DPYD: variants seen among roughly 807,000 people sequenced by gnomAD.
DPYD encodes the protein dihydropyrimidine dehydrogenase.
In DPYD, 109 loss-of-function variants were observed where a neutral mutation model predicts 116.2. That is an observed-to-expected ratio of 0.94 (90% CI 0.80 to 1.10). DPYD has a LOEUF of 1.10. Ranked by LOEUF, DPYD falls within the 50% of genes least tolerant of loss-of-function variation. The probability of loss-of-function intolerance (pLI) is 0.00; values close to 1 mark genes in which losing one functional copy is unlikely to be tolerated. For missense variants in DPYD, 1,302 were observed against 1,254.5 expected, an observed-to-expected ratio of 1.04 and a Z score of -0.57; for synonymous variants, 440 against 432.0, an observed-to-expected ratio of 1.02 and a Z score of -0.23.
chr1:97,914,704 C>T (rs959909310), intron 1 of DPYD, among the ~76,000 whole-genome samples: 1 of 152,158 alleles, frequency 6.6e-6, no homozygotes, highest in South Asian at 2.1e-4. Context: ...CCAGTGGGCT[C>T]GCAGTACAAC....
At chr1:97,422,562 C>T (rs1674647272) in intron 14 of DPYD, among the ~76,000 whole-genome samples, 1 of 152,040 alleles carries the variant, frequency 6.6e-6, no homozygotes, top group Non-Finnish European at 1.5e-5. Context: ...GTCTCATTTC[C>T]TACCTCCACG....
chr1:97,292,162 A>G (rs1278967174), intron 18 of DPYD, among the ~76,000 whole-genome samples: 1 of 152,140 alleles, frequency 6.6e-6, no homozygotes, highest in African/African-American at 2.4e-5. Flanking sequence ...TGTGTATTTG[A>G]AAAGCTCCTC....
intron 14 of DPYD, among the ~76,000 whole-genome samples, chr1:97,388,097 T>C (rs912588627): frequency 6.6e-6 from 1 of 152,128 alleles, no homozygotes; most frequent in African/African-American, 2.4e-5. Context: ...TCTGAGGTTC[T>C]AGTTGGTGAA....
At chr1:97,706,055 T>C (rs944308910) in intron 5 of DPYD, among the ~76,000 whole-genome samples, 2 of 152,008 alleles carry the variant, frequency 1.3e-5, no homozygotes, top group Non-Finnish European at 2.9e-5. Context: ...ATTTCTCTAA[T>C]TTTTCAATAA....
chr1:97,598,481 G>A (rs994675344), intron 8 of DPYD, among the ~76,000 whole-genome samples: 4 of 152,094 alleles, frequency 2.6e-5, no homozygotes, highest in Non-Finnish European at 4.4e-5. Flanking sequence ...CAAGGAGGCC[G>A]GATAGTTTGT....
intron 5 of DPYD, among the ~76,000 whole-genome samples, chr1:97,704,192 A>G (rs1661768864): frequency 6.6e-6 from 1 of 152,070 alleles, no homozygotes; most frequent in South Asian, 2.1e-4. Flanking sequence ...ACTTCCATGA[A>G]TGTAGCCTGA....
chr1:97,579,522 C>G (rs1330236061), intron 10 of DPYD, among the ~76,000 whole-genome samples: 2 of 152,192 alleles, frequency 1.3e-5, no homozygotes, highest in Non-Finnish European at 2.9e-5. Flanking sequence ...AAAACATGGA[C>G]CAAATTGACC....
intron 3 of DPYD, among the ~76,000 whole-genome samples, chr1:97,796,331 T>C (rs1383273807): frequency 5.3e-5 from 8 of 152,078 alleles, no homozygotes. Flanking sequence ...TCCACTGCTT[T>C]TAATCACATT....
intron 5 of DPYD, among the ~76,000 whole-genome samples, chr1:97,713,055 AT>A (rs368463091): frequency 1.3e-4 from 20 of 151,772 alleles, no homozygotes; most frequent in African/African-American, 4.8e-4. Flanking sequence ...TCACCTCTTA[AT>A]TTTTTTTCTA....
At chr1:97,470,815 T>C (rs992076412) in intron 13 of DPYD, among the ~76,000 whole-genome samples, 2 of 152,152 alleles carry the variant, frequency 1.3e-5, no homozygotes, top group Admixed American at 1.3e-4. Flanking sequence ...TTGGCCAACA[T>C]AGCGAAACCC....
intron 8 of DPYD, among the ~76,000 whole-genome samples, chr1:97,650,121 T>C (rs1477640162): frequency 6.6e-6 from 1 of 152,092 alleles, no homozygotes; most frequent in Admixed American, 6.6e-5. Context: ...TAGGGGATGT[T>C]CCCTTAGAAT....
chr1:97,314,488 T>TTG (rs1225016848), intron 16 of DPYD, among the ~76,000 whole-genome samples: 19 of 114,172 alleles, frequency 1.7e-4, no homozygotes, highest in Admixed American at 7.5e-4. Flanking sequence ...CGCTAAAGCT[T>TTG]TCTTTTTTTT....
At chr1:97,629,059 T>C (rs891215889) in intron 8 of DPYD, among the ~76,000 whole-genome samples, 1 of 151,998 alleles carries the variant, frequency 6.6e-6, no homozygotes, top group Non-Finnish European at 1.5e-5. Context: ...ATCACACAAG[T>C]TGGATGTTTT....
In DPYD at chr1:97,668,706, A is replaced by G. The variant is rs372961405; in HGVS notation, c.850+10389T>C. Among the ~76,000 whole-genome samples the G allele has an allele frequency of 4.7e-4, 72 of 152,180 alleles. 4 individuals carry two copies. The South Asian group carries it at 0.015, about 31-fold the overall frequency. ...AATCTCCAAAGACAAAAGAAGGGCT[A>G]TTTTTTCCTGTAAAATGGAAACTTA... On this transcript the variant is annotated intron_variant, in intron 8 of 22. Transcript: ENST00000370192.
At chr1:97,798,194 T>C (rs555426085) in intron 3 of DPYD, 10 of 152,234 alleles carry the variant, frequency 6.6e-5, no homozygotes, top group Admixed American at 1.3e-4. Flanking sequence ...CTAACCTATA[T>C]GTAGAGTCCT....
At chr1:97,164,867 T>C (rs925155546) in intron 20 of DPYD, among the ~76,000 whole-genome samples, 2 of 144,120 alleles carry the variant, frequency 1.4e-5, no homozygotes, top group Non-Finnish European at 3.0e-5. Context: ...ACGTACAGAT[T>C]CTTTTTTTTT....
chr1:97,536,103 T>A (rs1236716673), intron 12 of DPYD, among the ~76,000 whole-genome samples: 3 of 152,162 alleles, frequency 2.0e-5, no homozygotes, highest in Non-Finnish European at 4.4e-5. Context: ...AAAGGTGAGA[T>A]CACATACATT....
At chr1:97,299,504 T>C (rs1467705416) in intron 18 of DPYD, among the ~76,000 whole-genome samples, 1 of 152,128 alleles carries the variant, frequency 6.6e-6, no homozygotes, top group Non-Finnish European at 1.5e-5. Flanking sequence ...ACTATTTGGT[T>C]CTACCATTTA....
intron 8 of DPYD, among the ~76,000 whole-genome samples, chr1:97,611,307 T>C (rs1157699171): frequency 6.6e-6 from 1 of 151,998 alleles, no homozygotes; most frequent in East Asian, 1.9e-4. Flanking sequence ...CCTGCCCCCA[T>C]GATTCAATCA....
Sources: gnomAD v4.1 joint callset for allele counts (sites outside exome capture counted in the v4.1 genomes callset) on GRCh38, gnomAD v4.1.1 for gene constraint, MANE v1.5 for transcripts, NCBI Gene and HGNC (gene_info 2026-07-23, HGNC 2026-07-21) for gene names.